The following SLC25A21 variants were observed in gnomAD, a reference collection of about 807,000 sequenced individuals.
SLC25A21 encodes solute carrier family 25 member 21, also known as mitochondrial 2-oxodicarboxylate carrier.
SLC25A21 carries 47 observed loss-of-function variants against 43.8 expected under a neutral mutation model. The ratio of observed to expected loss-of-function variants is 1.07; its 90% CI spans 0.85 to 1.37. The LOEUF (loss-of-function observed/expected upper bound fraction) is 1.37. SLC25A21 is among the 40% of genes most tolerant of loss of function. The pLI, the probability that SLC25A21 is intolerant of heterozygous loss-of-function variation, is 0.00. For synonymous variants in SLC25A21, 131 were observed against 121.3 expected, an observed-to-expected ratio of 1.08 and a Z score of -0.52; for missense variants, 352 against 350.2, an observed-to-expected ratio of 1.00 and a Z score of -0.04.
At chr14:37,171,916 A>T in intron 1 of SLC25A21, 1 of 274,634 alleles carries the variant, frequency 3.6e-6, no homozygotes, top group East Asian at 7.0e-5. Flanking sequence ...CAATTGATAA[A>T]ACTAAGTCAG....
chr14:37,035,129 G>T (rs968025926), intron 1 of SLC25A21, among the ~76,000 whole-genome samples: 1 of 152,168 alleles, frequency 6.6e-6, no homozygotes, highest in Non-Finnish European at 1.5e-5. Flanking sequence ...TTTCAGACAC[G>T]CATTTTTGGC....
intron 2 of SLC25A21, among the ~76,000 whole-genome samples, chr14:36,865,135 T>C (rs1185267): frequency 0.37 from 55,405 of 151,480 alleles, 10,774 homozygotes; most frequent in South Asian, 0.46. Flanking sequence ...CTAAATTAAC[T>C]GTTCATTTTA....
intron 1 of SLC25A21, among the ~76,000 whole-genome samples, chr14:37,006,452 A>G (rs1018018153): frequency 6.6e-6 from 1 of 152,116 alleles, no homozygotes; most frequent in African/African-American, 2.4e-5. Flanking sequence ...CGTATTTATC[A>G]AACAACTTGC....
chr14:37,111,612 A>G (rs1399568201), intron 1 of SLC25A21, among the ~76,000 whole-genome samples: 2 of 152,092 alleles, frequency 1.3e-5, no homozygotes, highest in East Asian at 3.8e-4. Flanking sequence ...TGTTGTAATA[A>G]ATTTCATATT....
chr14:37,081,957 A>G (rs943162513), intron 1 of SLC25A21, among the ~76,000 whole-genome samples: 3 of 152,218 alleles, frequency 2.0e-5, no homozygotes, highest in South Asian at 2.1e-4. Flanking sequence ...GTATAACCAT[A>G]TATAATAGTG....
chr14:36,937,353 CACAA>C (rs1366499121), intron 1 of SLC25A21, among the ~76,000 whole-genome samples: 3 of 152,204 alleles, frequency 2.0e-5, no homozygotes, highest in African/African-American at 7.2e-5. Flanking sequence ...GGAATGCCTT[CACAA>C]ACAAAGCAAG....
At chr14:36,782,520 A>C (rs909800235) in intron 3 of SLC25A21, among the ~76,000 whole-genome samples, 2 of 152,108 alleles carry the variant, frequency 1.3e-5, no homozygotes, top group African/African-American at 4.8e-5. Flanking sequence ...CTATCTTTGC[A>C]TTTGAAGATG....
intron 2 of SLC25A21, among the ~76,000 whole-genome samples, chr14:36,846,119 C>G (rs1889533382): frequency 6.6e-6 from 1 of 152,134 alleles, no homozygotes; most frequent in Non-Finnish European, 1.5e-5. Context: ...AACCCCCAAA[C>G]CACATTACTT....
chr14:36,683,907 T>C (rs773763163), intron 8 of SLC25A21, 27 bp from the exon 9 acceptor site: 2 of 1,568,370 alleles, frequency 1.3e-6, no homozygotes, highest in Non-Finnish European at 1.7e-6. Flanking sequence ...AAGAGAAACG[T>C]TCTTATTCTG....
chr14:36,930,607 G>C (rs1208032223), intron 1 of SLC25A21, among the ~76,000 whole-genome samples: 1 of 152,012 alleles, frequency 6.6e-6, no homozygotes, highest in Admixed American at 6.6e-5. Context: ...AGCCCCTGCT[G>C]TATCATCTAT....
At chr14:37,032,255 G>C (rs1256108909) in intron 1 of SLC25A21, among the ~76,000 whole-genome samples, 3 of 152,094 alleles carry the variant, frequency 2.0e-5, no homozygotes, top group African/African-American at 7.2e-5. Context: ...ATGAATCCAA[G>C]CTGGGCGCGG....
rs549880364 is a variant in SLC25A21, at chr14:36,859,199, T to C, written c.119+15757A>G. On this transcript the variant is annotated intron_variant, in intron 2 of 9. Coordinates refer to ENST00000331299, the MANE Select transcript of SLC25A21 (RefSeq NM_030631.4). ...TCTTTTAAAAAGAAAATGCTTAGGA[T>C]ACCTAAACAATCTTGATAAAAAGAT... Among the ~76,000 whole-genome samples the C allele has an allele frequency of 3.2e-4, 49 of 152,358 alleles. 2 individuals carry two copies. In the East Asian group the frequency reaches 9.3e-3, roughly 29 times the overall value.
chr14:37,160,220 T>C (rs1379524521), intron 1 of SLC25A21, among the ~76,000 whole-genome samples: 9 of 152,206 alleles, frequency 5.9e-5, no homozygotes, highest in Admixed American at 5.9e-4. Context: ...ACTGGGTATC[T>C]ACCCAAAGGA....
chr14:37,012,952 A>G (rs1960764461), intron 1 of SLC25A21, among the ~76,000 whole-genome samples: 8 of 152,216 alleles, frequency 5.3e-5, no homozygotes, highest in Admixed American at 5.2e-4. Context: ...ACCACTGTGA[A>G]CTTAGAATTC....
chr14:36,891,241 A>G (rs1461515033), intron 1 of SLC25A21, among the ~76,000 whole-genome samples: 2 of 152,202 alleles, frequency 1.3e-5, no homozygotes, highest in Non-Finnish European at 2.9e-5. Flanking sequence ...TTGGAATTCT[A>G]CAGGGTGACT....
At chr14:37,165,880 T>C (rs778982403) in intron 1 of SLC25A21, among the ~76,000 whole-genome samples, 3 of 152,168 alleles carry the variant, frequency 2.0e-5, no homozygotes, top group Non-Finnish European at 4.4e-5. Flanking sequence ...AAGTCTGAGA[T>C]GGACCCATGC....
At chr14:36,709,458 T>C (rs1468546370) in intron 7 of SLC25A21, among the ~76,000 whole-genome samples, 1 of 152,248 alleles carries the variant, frequency 6.6e-6, no homozygotes, top group African/African-American at 2.4e-5. Flanking sequence ...CAGTGTTTAT[T>C]GCACTCATTT....
intron 1 of SLC25A21, among the ~76,000 whole-genome samples, chr14:37,126,058 G>A (rs75209430): frequency 6.6e-6 from 1 of 152,082 alleles, no homozygotes. Context: ...CACAATTCAG[G>A]TTAAAAATAC....
At chr14:36,995,934 A>G (rs1264972472) in intron 1 of SLC25A21, among the ~76,000 whole-genome samples, 2 of 152,186 alleles carry the variant, frequency 1.3e-5, no homozygotes, top group African/African-American at 4.8e-5. Context: ...TAATCTTCAC[A>G]ATAACTCTAT....
Sources: allele counts gnomAD v4.1 joint callset (sites outside exome capture counted in the v4.1 genomes callset), GRCh38; gene constraint gnomAD v4.1.1; transcripts MANE v1.5; gene names NCBI Gene and HGNC (gene_info 2026-07-23, HGNC 2026-07-21).